Variants in TAFA2 observed in about 807,000 individuals in gnomAD.
The protein encoded by TAFA2 is chemokine-like protein TAFA-2.
Under a neutral mutation model 18.8 loss-of-function variants are expected in TAFA2, and 7 were observed. That is an observed-to-expected ratio of 0.37 (90% CI 0.21 to 0.70). The LOEUF (loss-of-function observed/expected upper bound fraction) is 0.70, where lower values mean the gene tolerates loss of function less well. Among genes scored for constraint, TAFA2 ranks in the 30% least tolerant of loss-of-function variants. The pLI is 0.53. For missense variants in TAFA2, 122 were observed against 158.1 expected (o/e 0.77, Z 1.23); for synonymous variants, 60 against 54.2 (o/e 1.11, Z -0.47).
chr12:62,056,192 G>C (rs974400298), intron 1 of TAFA2, among the ~76,000 whole-genome samples: 1 of 152,006 alleles, frequency 6.6e-6, no homozygotes, highest in Non-Finnish European at 1.5e-5. Context: ...TATTATGAGG[G>C]GGGTGGTGAA....
intron 1 of TAFA2, among the ~76,000 whole-genome samples, chr12:62,238,458 A>G (rs1369495255): frequency 1.3e-5 from 2 of 152,220 alleles, no homozygotes; most frequent in East Asian, 3.9e-4. Context: ...ACTGTGCTAA[A>G]TATTTTACCT....
intron 1 of TAFA2, among the ~76,000 whole-genome samples, chr12:62,109,393 T>C (rs1033279265): frequency 7.9e-5 from 12 of 152,336 alleles, no homozygotes; most frequent in African/African-American, 2.6e-4. Flanking sequence ...CCTTGTAGTA[T>C]AGTTTGAAGT....
chr12:61,826,338 CTGTGTGTGTG>C lies in TAFA2; in HGVS notation c.106+40972_106+40981del, dbSNP rs57736074. Among the ~76,000 whole-genome samples, 3 of 149,030 alleles carry C rather than the reference CTGTGTGTGTG, an allele frequency of 2.0e-5. No homozygotes were observed. In the East Asian group the frequency reaches 5.9e-4, roughly 29 times the overall value. The stretch of plus-strand genomic sequence containing the variant: ...TGTTCAAAACTTCTAATTAGTTCAT[CTGTGTGTGTG>C]TGTGTGTGTGTGTGTATTTGTAAAT... On this transcript the variant is annotated intron_variant, in intron 2 of 4. Coordinates refer to ENST00000416284, the MANE Select transcript of TAFA2 (RefSeq NM_178539.5).
At chr12:61,898,473 C>G (rs1197922837) in intron 1 of TAFA2, among the ~76,000 whole-genome samples, 1 of 152,234 alleles carries the variant, frequency 6.6e-6, no homozygotes, top group African/African-American at 2.4e-5. Context: ...CCTCCGAAAT[C>G]TATGCGGAGG....
chr12:61,851,820 ATG>A (rs1873676875), intron 2 of TAFA2, among the ~76,000 whole-genome samples: 1 of 103,626 alleles, frequency 9.7e-6, no homozygotes, highest in Non-Finnish European at 2.0e-5. Flanking sequence ...AAAAAAAAAC[ATG>A]TTCTAAGTAG....
intron 1 of TAFA2, among the ~76,000 whole-genome samples, chr12:62,218,783 A>G (rs2062748079): frequency 6.6e-6 from 1 of 152,146 alleles, no homozygotes. Context: ...CACAAAGTCA[A>G]TAAATCAGTG....
intron 1 of TAFA2, chr12:61,879,882 C>T: frequency 9.8e-6 from 9 of 914,902 alleles, no homozygotes; most frequent in Non-Finnish European, 1.6e-5. Context: ...AATAAGCATA[C>T]AGAGATGGAG....
At chr12:62,190,766 G>T (rs967236663) in intron 1 of TAFA2, among the ~76,000 whole-genome samples, 1 of 152,104 alleles carries the variant, frequency 6.6e-6, no homozygotes, top group Non-Finnish European at 1.5e-5. Context: ...ACAGGCCTGA[G>T]AATTAACTAA....
chr12:61,952,949 T>C (rs1878521822), intron 1 of TAFA2, among the ~76,000 whole-genome samples: 1 of 152,144 alleles, frequency 6.6e-6, no homozygotes, highest in South Asian at 2.1e-4. Flanking sequence ...ATACATGTTA[T>C]ATTAAAATAG....
At chr12:62,128,714 A>G (rs1920102) in intron 1 of TAFA2, among the ~76,000 whole-genome samples, 27,751 of 151,992 alleles carry the variant, frequency 0.18, 2,848 homozygotes, top group East Asian at 0.38. Flanking sequence ...CATGGCACAT[A>G]TTAGGTGTTT....
chr12:62,071,569 C>G (rs1278167313), intron 1 of TAFA2, among the ~76,000 whole-genome samples: 3 of 152,106 alleles, frequency 2.0e-5, no homozygotes, highest in African/African-American at 7.2e-5. Context: ...TAGGGTGACT[C>G]TGTCTTTACA....
chr12:62,224,120 C>CACA (rs2062775974), intron 1 of TAFA2, among the ~76,000 whole-genome samples: 1 of 144,636 alleles, frequency 6.9e-6, no homozygotes, highest in Admixed American at 6.9e-5. Flanking sequence ...CACACACACA[C>CACA]AATGGAATAT....
At chr12:62,000,511 C>T (rs1880344556) in intron 1 of TAFA2, among the ~76,000 whole-genome samples, 1 of 146,340 alleles carries the variant, frequency 6.8e-6, no homozygotes, top group African/African-American at 2.5e-5. Context: ...TGTACATATA[C>T]ACACCCTATG....
chr12:62,125,439 C>T (rs1349442017), intron 1 of TAFA2, among the ~76,000 whole-genome samples: 1 of 152,122 alleles, frequency 6.6e-6, no homozygotes, highest in Non-Finnish European at 1.5e-5. Flanking sequence ...CATCCCCAAC[C>T]TCAGCATTCA....
At chr12:62,228,653 GT>G (rs2062798515) in intron 1 of TAFA2, among the ~76,000 whole-genome samples, 1 of 152,032 alleles carries the variant, frequency 6.6e-6, no homozygotes, top group Non-Finnish European at 1.5e-5. Context: ...TTGAACTCAG[GT>G]AGTGTGATAT....
At chr12:62,242,428 G>T (rs1332294863) in intron 1 of TAFA2, 1 of 150,990 alleles carries the variant, frequency 6.6e-6, no homozygotes, top group Non-Finnish European at 1.5e-5. Flanking sequence ...TGCAGACACA[G>T]AATAGAGATT....
intron 1 of TAFA2, among the ~76,000 whole-genome samples, chr12:62,111,361 A>C (rs1869721793): frequency 6.6e-6 from 1 of 152,128 alleles, no homozygotes; most frequent in Admixed American, 6.6e-5. Context: ...ATTGTTTGTT[A>C]TGATTTCCAT....
At chr12:62,122,319 A>G (rs192589559) in intron 1 of TAFA2, among the ~76,000 whole-genome samples, 28 of 152,270 alleles carry the variant, frequency 1.8e-4, no homozygotes, top group African/African-American at 6.7e-4. Context: ...GCAAAAGACA[A>G]AGTAGTCTAG....
chr12:61,957,585 T>C (rs1394794218), intron 1 of TAFA2, among the ~76,000 whole-genome samples: 1 of 152,092 alleles, frequency 6.6e-6, no homozygotes, highest in Non-Finnish European at 1.5e-5. Flanking sequence ...CAGGATTCTT[T>C]GCTGAGATTG....
Sources: allele counts gnomAD v4.1 joint callset (sites outside exome capture counted in the v4.1 genomes callset), GRCh38; gene constraint gnomAD v4.1.1; transcripts MANE v1.5; gene names NCBI Gene and HGNC (gene_info 2026-07-23, HGNC 2026-07-21).